The following UXS1 variants were observed in gnomAD, a reference collection of about 807,000 sequenced individuals.
UXS1 encodes the protein UDP-glucuronic acid decarboxylase 1.
UXS1 carries 33 observed loss-of-function variants against 62.6 expected under a neutral mutation model. That is an observed-to-expected ratio of 0.53 (90% confidence interval 0.40 to 0.70). The LOEUF (loss-of-function observed/expected upper bound fraction) is 0.70. Ranked by LOEUF, UXS1 falls within the 30% of genes least tolerant of loss-of-function variation. UXS1 has a pLI of 0.00. For missense variants in UXS1, 434 were observed against 556.3 expected (o/e 0.78, Z 2.21); for synonymous variants, 213 against 206.8 (o/e 1.03, Z -0.26).
At chr2:106,136,965 C>CAAAAAAAA (rs397701050) in intron 6 of UXS1, among the ~76,000 whole-genome samples, 23 of 54,164 alleles carry the variant, frequency 4.2e-4, no homozygotes, top group East Asian at 1.2e-3. Flanking sequence ...AGAACACACA[C>CAAAAAAAA]AAAAAAAAAA....
At chr2:106,123,159 T>A in intron 8 of UXS1, 68 bp from the exon 9 acceptor site, 1 of 1,597,184 alleles carries the variant, frequency 6.3e-7, no homozygotes, top group South Asian at 1.1e-5. Flanking sequence ...TAATGCATAT[T>A]TATGATGCAA....
chr2:106,141,487 G>A (rs186157878), intron 6 of UXS1, among the ~76,000 whole-genome samples: 1 of 152,036 alleles, frequency 6.6e-6, no homozygotes, highest in Non-Finnish European at 1.5e-5. Context: ...TTGAGACAGG[G>A]TCTTACTCTG....
At position 106,186,546 on chromosome 2, in the gene UXS1, TCAAA is replaced by T. The variant is rs952194444; in HGVS notation, c.94+7598_94+7601del. 1.1e-4 allele frequency among the ~76,000 whole-genome samples: 16 copies of T among 146,524 alleles called. No individual in the cohort carries two copies. The East Asian group carries it at 1.2e-3, about 11-fold the overall frequency. ...TATAGGTAAATGTTATGAGAAACAA[TCAAA>T]CAAACAAAAAAAAATCAGGCTACTA... On this transcript the variant is annotated intron_variant, in intron 1 of 14. Coordinates refer to ENST00000283148, the MANE Select transcript of UXS1 (RefSeq NM_001253875.2).
At chr2:106,115,055 C>T (rs1678954870) in intron 9 of UXS1, among the ~76,000 whole-genome samples, 2 of 152,172 alleles carry the variant, frequency 1.3e-5, no homozygotes, top group African/African-American at 4.8e-5. Flanking sequence ...CTGCTGAATC[C>T]TCATTCTCAC....
chr2:106,141,291 A>T (rs1681075006), intron 6 of UXS1, among the ~76,000 whole-genome samples: 1 of 152,156 alleles, frequency 6.6e-6, no homozygotes, highest in Non-Finnish European at 1.5e-5. Context: ...GACAATACAT[A>T]ATAGGTTATA....
intron 14 of UXS1, among the ~76,000 whole-genome samples, chr2:106,094,914 T>C (rs1328155605): frequency 6.6e-6 from 1 of 152,276 alleles, no homozygotes; most frequent in African/African-American, 2.4e-5. Context: ...AAATTGTATC[T>C]TCTAAATATG....
intron 6 of UXS1, among the ~76,000 whole-genome samples, chr2:106,139,958 G>A (rs998425690): frequency 4.6e-5 from 7 of 152,168 alleles, no homozygotes; most frequent in African/African-American, 1.7e-4. Flanking sequence ...ACTCCCCAAC[G>A]AGATGTCCCT....
chr2:106,180,349 T>C (rs1309631055), intron 1 of UXS1, among the ~76,000 whole-genome samples: 4 of 152,178 alleles, frequency 2.6e-5, no homozygotes, highest in Admixed American at 6.6e-5. Flanking sequence ...CCCAGAAAGA[T>C]ATGTAAAATA....
intron 10 of UXS1, among the ~76,000 whole-genome samples, chr2:106,105,752 G>A (rs185694639): frequency 6.6e-6 from 1 of 152,354 alleles, no homozygotes; most frequent in East Asian, 1.9e-4. Context: ...ACTCACTGAG[G>A]CGGAGACGGC....
chr2:106,158,366 C>T (rs1298335329), intron 4 of UXS1, among the ~76,000 whole-genome samples: 2 of 152,138 alleles, frequency 1.3e-5, no homozygotes, highest in African/African-American at 2.4e-5. Flanking sequence ...GAAGCAAAAG[C>T]GCAAGGAGCT....
chr2:106,187,174 G>T lies in UXS1; in HGVS notation c.94+6974C>A, dbSNP rs546597861. Among the ~76,000 whole-genome samples the T allele has an allele frequency of 7.9e-5, 12 of 152,300 alleles. No homozygotes were observed. The East Asian group carries it at 1.9e-3, about 24-fold the overall frequency. Reference sequence around the variant, plus strand: ...ACTAAAATATTCTTTTAGTAGAAAAGATAGAAAATCTGAAAGGAAATTTTG... The same window carrying T: ...ACTAAAATATTCTTTTAGTAGAAAATATAGAAAATCTGAAAGGAAATTTTG... On this transcript the variant is annotated intron_variant, in intron 1 of 14. Transcript: ENST00000283148.
chr2:106,119,519 C>A (rs1679347098), intron 9 of UXS1, among the ~76,000 whole-genome samples: 1 of 152,194 alleles, frequency 6.6e-6, no homozygotes, highest in South Asian at 2.1e-4. Flanking sequence ...ATTCCAGCCC[C>A]CAGTTCCTGC....
chr2:106,100,430 T>G (rs978816163), intron 12 of UXS1, among the ~76,000 whole-genome samples: 15 of 152,152 alleles, frequency 9.9e-5, no homozygotes, highest in Non-Finnish European at 1.8e-4. Flanking sequence ...AGAAGTGAGG[T>G]CAGTGGACAG....
intron 1 of UXS1, among the ~76,000 whole-genome samples, chr2:106,166,679 G>A (rs912403984): frequency 1.4e-5 from 2 of 141,306 alleles, no homozygotes; most frequent in East Asian, 2.2e-4. Context: ...GGGGTCTAGA[G>A]TTGGACAGTG....
intron 5 of UXS1, among the ~76,000 whole-genome samples, chr2:106,152,483 AAGGGAGGGAGAGAGGG>A (rs1258708799): frequency 4.6e-5 from 3 of 64,746 alleles, no homozygotes; most frequent in African/African-American, 1.5e-4. Context: ...GGAAGGAAGG[AAGGGAGGGAGAGAGGG>A]AGGGAGGGAG....
At chr2:106,126,069 C>CCA (rs1312783311) in intron 7 of UXS1, among the ~76,000 whole-genome samples, 7 of 152,142 alleles carry the variant, frequency 4.6e-5, no homozygotes, top group African/African-American at 1.7e-4. Flanking sequence ...GGTCAGCTTG[C>CCA]CACTTCCTGA....
chr2:106,098,431 T>C (rs1411707375), intron 13 of UXS1, among the ~76,000 whole-genome samples: 5 of 152,230 alleles, frequency 3.3e-5, no homozygotes, highest in African/African-American at 9.6e-5. Context: ...TTGTCACCCA[T>C]GTAGGATGAT....
At chr2:106,106,236 C>T (rs1488142436) in intron 10 of UXS1, among the ~76,000 whole-genome samples, 14 of 151,942 alleles carry the variant, frequency 9.2e-5, no homozygotes, top group African/African-American at 2.4e-4. Flanking sequence ...TGGTGGTGGG[C>T]GCCTGTAATC....
intron 5 of UXS1, among the ~76,000 whole-genome samples, chr2:106,150,530 G>A (rs185004644): frequency 4.7e-4 from 72 of 152,306 alleles, no homozygotes; most frequent in Non-Finnish European, 6.6e-4. Flanking sequence ...CTGTGGCTCC[G>A]GCCAGTCCAG....
Sources: allele counts gnomAD v4.1 joint callset (sites outside exome capture counted in the v4.1 genomes callset), GRCh38; gene constraint gnomAD v4.1.1; transcripts MANE v1.5; gene names NCBI Gene and HGNC (gene_info 2026-07-23, HGNC 2026-07-21).